DOCK7: variants seen among roughly 807,000 people sequenced by gnomAD.
The protein encoded by DOCK7 is dedicator of cytokinesis protein 7.
A neutral mutation model predicts 271.0 loss-of-function variants in DOCK7; 138 were observed. The observed-to-expected ratio is 0.51, with a 90% CI of 0.44 to 0.59. DOCK7 has a LOEUF of 0.59. Ranked by LOEUF, DOCK7 falls within the 20% of genes least tolerant of loss-of-function variation. The pLI, the probability that DOCK7 is intolerant of heterozygous loss-of-function variation, is 0.00. For missense variants in DOCK7, 2,066 were observed against 2,592.4 expected, an observed-to-expected ratio of 0.80 and a Z score of 4.41; for synonymous variants, 823 against 876.1, an observed-to-expected ratio of 0.94 and a Z score of 1.07.
At chr1:62,497,869 G>A (rs1646666994) in intron 37 of DOCK7, among the ~76,000 whole-genome samples, 1 of 152,076 alleles carries the variant, frequency 6.6e-6, no homozygotes, top group Non-Finnish European at 1.5e-5. Context: ...TAGGCACTGA[G>A]AGTATAGTGA....
intron 6 of DOCK7, 118 bp downstream of exon 6, chr1:62,647,988 A>G: frequency 1.0e-6 from 1 of 957,104 alleles, no homozygotes; most frequent in Non-Finnish European, 1.6e-6. Context: ...TTCATTTATA[A>G]AAATTACAGC....
chr1:62,574,752 A>G (rs1381400589), intron 18 of DOCK7, among the ~76,000 whole-genome samples: 1 of 152,158 alleles, frequency 6.6e-6, no homozygotes, highest in African/African-American at 2.4e-5. Context: ...ATATTGAGAC[A>G]GAGTCTCACT....
At chr1:62,489,235 G>C (rs1410824552) in intron 41 of DOCK7, among the ~76,000 whole-genome samples, 170 bp from the exon 42 acceptor site, 31 of 152,172 alleles carry the variant, frequency 2.0e-4, no homozygotes, top group Non-Finnish European at 8.8e-5. Flanking sequence ...GGATCACAAT[G>C]TCAGGAGATC....
At chr1:62,607,137 C>T (rs1487561841) in intron 14 of DOCK7, among the ~76,000 whole-genome samples, 1 of 151,986 alleles carries the variant, frequency 6.6e-6, no homozygotes, top group Non-Finnish European at 1.5e-5. Context: ...ACCCAGGAGG[C>T]GGAGGTTGCA....
chr1:62,633,301 C>G (rs566657990), intron 10 of DOCK7, among the ~76,000 whole-genome samples, 197 bp downstream of exon 10: 1 of 151,516 alleles, frequency 6.6e-6, no homozygotes, highest in East Asian at 1.9e-4. Flanking sequence ...GGCTAGGTGA[C>G]AAATTAAATA....
chr1:62,592,926 T>A lies in DOCK7; in HGVS notation c.1683-6302A>T, dbSNP rs372853208. Among the ~76,000 whole-genome samples the A allele has an allele frequency of 4.8e-4, 73 of 152,216 alleles. 1 individual carries two copies. In the East Asian group the frequency reaches 0.012, roughly 25 times the overall value. On this transcript the variant is annotated intron_variant, in intron 14 of 49. Transcript: ENST00000635253. ...TATTTATATACATACATCACCACCA[T>A]AAAAGCATTTTCTATACATACTGTT...
chr1:62,515,827 T>G (rs1438308890), intron 31 of DOCK7, among the ~76,000 whole-genome samples: 1 of 152,232 alleles, frequency 6.6e-6, no homozygotes, highest in Non-Finnish European at 1.5e-5. Context: ...GCCAGATATC[T>G]GCAGTTACTA....
rs1237010005 is a variant in DOCK7 at position 62,513,437 on chromosome 1, TTC to T, written c.4282+5_4282+6del. On this transcript the variant is annotated splice_donor_5th_base_variant and intron_variant, in intron 33 of 49. Coordinates refer to ENST00000635253, the MANE Select transcript of DOCK7 (RefSeq NM_001367561.1). ...ATACAACTCAAGGAAATTGAAGAAA[TTC>T]TCACCAGGAGGAGAAGCTATTGTGT... 2 of 1,584,030 alleles carry T rather than the reference TTC, an allele frequency of 1.3e-6. No homozygotes were observed. Among genetic ancestry groups the T allele is most frequent in the Non-Finnish European group, 1.7e-6 (2 of 1,170,814 alleles).
chr1:62,648,213 T>C lies in DOCK7; in HGVS notation c.625A>G (p.Asn209Asp). 3 of 1,613,700 alleles carry C rather than the reference T, an allele frequency of 1.9e-6. No homozygotes were observed. The highest frequency in any genetic ancestry group is 2.5e-6 in the Non-Finnish European group (3 of 1,179,772). Residue 209 changes from asparagine (N) to aspartate (D), a missense_variant, in exon 6 of 50, where the codon AAT becomes GAT. This residue lies in a region of DOCK7 where 1,414 missense variants were observed against 1,670.4 expected (regional missense o/e 0.85). Coordinates refer to ENST00000635253, the MANE Select transcript of DOCK7 (RefSeq NM_001367561.1). Reference protein sequence around the residue: ...KNSLPDALLPNLLDRTPNEEI... With the variant: ...KNSLPDALLPDLLDRTPNEEI... ...TCATTTGGAGTTCGATCAAGTAAAT[T>C]GGGAAGCAAAGCATCAGGAAGTGAA...
intron 12 of DOCK7, among the ~76,000 whole-genome samples, chr1:62,624,930 C>T (rs1055367714): frequency 5.9e-5 from 9 of 151,840 alleles, no homozygotes; most frequent in African/African-American, 2.2e-4. Flanking sequence ...CGAGATCTGT[C>T]TCTGCACTCC....
intron 23 of DOCK7, among the ~76,000 whole-genome samples, chr1:62,544,036 T>C (rs1003651365): frequency 3.3e-5 from 5 of 152,186 alleles, no homozygotes; most frequent in African/African-American, 1.2e-4. Context: ...GTGTGATCTA[T>C]ATACATGCAC....
At chr1:62,473,070 A>T (rs1226387528) in intron 48 of DOCK7, among the ~76,000 whole-genome samples, 3 of 152,214 alleles carry the variant, frequency 2.0e-5, no homozygotes, top group Non-Finnish European at 2.9e-5. Context: ...CACAGGCACC[A>T]GTATAACTAT....
At chr1:62,488,910 G>A (rs777843399) in intron 42 of DOCK7, 24 bp downstream of exon 42, 2 of 1,613,138 alleles carry the variant, frequency 1.2e-6, no homozygotes, top group South Asian at 2.2e-5. Flanking sequence ...CCTTTATAGT[G>A]AAGCTAGAAA....
At chr1:62,606,442 A>G (rs1281853580) in intron 14 of DOCK7, among the ~76,000 whole-genome samples, 2 of 151,938 alleles carry the variant, frequency 1.3e-5, no homozygotes, top group Non-Finnish European at 2.9e-5. Flanking sequence ...AAGAGAAAGG[A>G]GCTCTTTATG....
intron 12 of DOCK7, among the ~76,000 whole-genome samples, chr1:62,624,037 C>A (rs1205016672): frequency 1.3e-5 from 2 of 152,088 alleles, no homozygotes; most frequent in Non-Finnish European, 2.9e-5. Flanking sequence ...AGCATTTTCC[C>A]TTAATCCACT....
intron 4 of DOCK7, 65 bp from the exon 5 acceptor site, chr1:62,648,609 G>A (rs1656964673): frequency 2.2e-6 from 2 of 896,426 alleles, no homozygotes; most frequent in Non-Finnish European, 3.1e-6. Flanking sequence ...CACTTTTTGG[G>A]CATCATTATG....
At chr1:62,522,306 A>G (rs564943009) in intron 31 of DOCK7, among the ~76,000 whole-genome samples, 196 of 152,268 alleles carry the variant, frequency 1.3e-3, no homozygotes, top group African/African-American at 4.7e-3. Context: ...AAATCCTAAC[A>G]AAATATTAGC....
rs147045113 is a variant in DOCK7, at chr1:62,654,148, G to A, written c.156C>T (p.Thr52=). 1.7e-4 allele frequency: 272 copies of A among 1,612,142 alleles called. No homozygotes were observed. The highest frequency in any genetic ancestry group is 7.9e-4 in the African/African-American group (59 of 74,954). ...NISHHTTVPL[T]EAVDPVDLED... ...CCAAATCCACTGGATCTACTGCTTCGGTAAGGGGCACCTTTGTAAAAAGTT... is the reference window on the plus strand; with the variant it reads ...CCAAATCCACTGGATCTACTGCTTCAGTAAGGGGCACCTTTGTAAAAAGTT... Residue 52 remains threonine (T), a synonymous_variant, in exon 3 of 50, where the codon ACC becomes ACT. Transcript: ENST00000635253.
intron 41 of DOCK7, 119 bp downstream of exon 41, chr1:62,492,585 G>T: frequency 7.7e-7 from 1 of 1,295,006 alleles, no homozygotes; most frequent in Non-Finnish European, 1.1e-6. Context: ...ACCATACTGG[G>T]TCCAGAATAA....
Sources: gnomAD v4.1 joint callset for allele counts (sites outside exome capture counted in the v4.1 genomes callset) on GRCh38, gnomAD v4.1.1 for gene constraint, gnomAD v4.1.1 regional missense constraint, MANE v1.5 for transcripts, NCBI Gene and HGNC (gene_info 2026-07-23, HGNC 2026-07-21) for gene names.